EGF: variants seen among roughly 807,000 people sequenced by gnomAD.
EGF encodes the protein pro-epidermal growth factor.
A neutral mutation model predicts 143.8 loss-of-function variants in EGF; 95 were observed. That is an observed-to-expected ratio of 0.66 (90% CI 0.56 to 0.78). The LOEUF (loss-of-function observed/expected upper bound fraction) is 0.78. EGF is among the 30% of genes least tolerant of loss of function. EGF has a pLI of 0.00. For missense variants in EGF, 1,320 were observed against 1,470.9 expected (o/e 0.90, Z 1.68); for synonymous variants, 510 against 510.5 (o/e 1.00, Z 0.01).
intron 20 of EGF, among the ~76,000 whole-genome samples, chr4:109,997,866 A>T (rs961837499): frequency 2.0e-5 from 3 of 152,334 alleles, no homozygotes; most frequent in East Asian, 1.9e-4. Context: ...CTGTCCATAA[A>T]AAAATAAAAT....
chr4:110,005,282 G>A (rs1433483383), intron 22 of EGF, among the ~76,000 whole-genome samples: 1 of 151,744 alleles, frequency 6.6e-6, no homozygotes, highest in African/African-American at 2.4e-5. Flanking sequence ...TTGGGCTCAA[G>A]CAATCCACCT....
At chr4:109,936,874 T>C (rs1002264621) in intron 1 of EGF, among the ~76,000 whole-genome samples, 1 of 152,234 alleles carries the variant, frequency 6.6e-6, no homozygotes, top group South Asian at 2.1e-4. Context: ...TAATCCTGAG[T>C]TCCAATTTGA....
intron 2 of EGF, 50 bp downstream of exon 2, chr4:109,941,195 AAATAT>A (rs745588710): frequency 1.4e-4 from 209 of 1,512,178 alleles, no homozygotes; most frequent in Middle Eastern, 5.9e-4. Flanking sequence ...ACAGGCTGAC[AAATAT>A]AATATACTGA....
rs1745783934 is a variant in EGF, at chr4:109,962,004, T to G, written c.1312+19T>G. On this transcript the variant is annotated intron_variant, in intron 8 of 23. Coordinates refer to ENST00000265171, the MANE Select transcript of EGF (RefSeq NM_001963.6). Reference sequence around the variant, plus strand: ...TGTAGCGGTGAGTTTATTTGCTTTATTTACCTTTTGTTTGTTTGAAAACAT... The same window carrying G: ...TGTAGCGGTGAGTTTATTTGCTTTAGTTACCTTTTGTTTGTTTGAAAACAT... The G allele has an allele frequency of 1.9e-6, 3 of 1,613,262 alleles. No individual in the cohort carries two copies. The highest frequency in any genetic ancestry group is 1.7e-5 in the Admixed American group (1 of 59,992).
chr4:109,930,061 C>T (rs911041499), intron 1 of EGF, among the ~76,000 whole-genome samples: 1 of 152,156 alleles, frequency 6.6e-6, no homozygotes, highest in Non-Finnish European at 1.5e-5. Context: ...TGTCTCTTCT[C>T]GCTCCTGCCG....
chr4:109,994,360 T>C (rs1751473204), intron 19 of EGF, among the ~76,000 whole-genome samples: 1 of 152,178 alleles, frequency 6.6e-6, no homozygotes, highest in Admixed American at 6.5e-5. Context: ...AACCATAGAG[T>C]TACCAGTTGT....
chr4:110,011,371 G>C lies in EGF; in HGVS notation c.3540G>C (p.Glu1180Asp). Residue 1180 changes from glutamate to aspartate, a missense_variant, in exon 24 of 24, where the codon GAG (glutamate) becomes GAC (aspartate). By Grantham distance (45) the Glu-to-Asp change is conservative. This residue lies in a region of EGF where 1,186 missense variants were observed against 1,313.7 expected (regional missense o/e 0.90). Transcript: ENST00000265171. ...YGTQTLEGGV[E>D]KPHSLLSANP... ...CACAGACCCTTGAAGGGGGTGTCGA[G>C]AAGCCCCATTCTCTCCTATCAGCTA... 1 of 1,614,140 alleles carries C rather than the reference G, an allele frequency of 6.2e-7. No homozygotes were observed. Among genetic ancestry groups the C allele is most frequent in the Non-Finnish European group, 8.5e-7 (1 of 1,180,020 alleles).
intron 5 of EGF, among the ~76,000 whole-genome samples, chr4:109,953,669 T>C (rs1470229437): frequency 2.6e-5 from 4 of 152,202 alleles, no homozygotes; most frequent in Non-Finnish European, 5.9e-5. Context: ...TTGTACTATC[T>C]TTCTCTGGAA....
Position 109,974,792 on chromosome 4 carries a change from T to G in EGF, c.1814T>G (p.Val605Gly). The G allele has an allele frequency of 6.2e-7, 1 of 1,613,256 alleles. No homozygotes were observed. Among genetic ancestry groups the G allele is most frequent in the Non-Finnish European group, 8.5e-7 (1 of 1,179,336 alleles). Residue 605 changes from valine to glycine, a missense_variant, in exon 12 of 24, where the codon GTT (valine) becomes GGT (glycine). Around this residue, in one of 5 missense-constraint regions of EGF, gnomAD observed 1,186 missense variants for 1,313.7 expected, o/e 0.90. Transcript: ENST00000265171. ...ATCTCTCAACCACGAGGAATTGCTG[T>G]TCATCCAATGGCCAAGTAGGTATTT... Reference protein sequence around the residue: ...ENISQPRGIAVHPMAKRLFWT... With the variant: ...ENISQPRGIAGHPMAKRLFWT...
chr4:109,926,018 A>C (rs1738577702), intron 1 of EGF, among the ~76,000 whole-genome samples: 1 of 152,210 alleles, frequency 6.6e-6, no homozygotes, highest in Admixed American at 6.5e-5. Flanking sequence ...GATGGGGAGT[A>C]ATCATAAAAA....
intron 11 of EGF, among the ~76,000 whole-genome samples, chr4:109,971,417 G>C (rs865964370): frequency 1.3e-5 from 2 of 152,186 alleles, no homozygotes; most frequent in African/African-American, 4.8e-5. Context: ...GAGGGTAAAC[G>C]ATGATCAAAA....
chr4:109,948,459 G>C (rs1299944132), intron 5 of EGF, among the ~76,000 whole-genome samples: 3 of 152,088 alleles, frequency 2.0e-5, no homozygotes, highest in Admixed American at 6.5e-5. Flanking sequence ...ATTTTATTGG[G>C]TTTTCAATGT....
chr4:109,959,576 C>A, intron 6 of EGF, 139 bp downstream of exon 6: 1 of 1,282,054 alleles, frequency 7.8e-7, no homozygotes, highest in Non-Finnish European at 1.1e-6. Context: ...TTCTCCCCGT[C>A]CCCCACACAA....
At chr4:109,977,762 C>T (rs963281382) in intron 13 of EGF, among the ~76,000 whole-genome samples, 2 of 152,102 alleles carry the variant, frequency 1.3e-5, no homozygotes, top group Non-Finnish European at 2.9e-5. Flanking sequence ...ATCACTTGAG[C>T]CTGGGATGTT....
At chr4:109,954,298 C>T (rs1255301819) in intron 5 of EGF, among the ~76,000 whole-genome samples, 6 of 152,136 alleles carry the variant, frequency 3.9e-5, no homozygotes, top group African/African-American at 1.2e-4. Flanking sequence ...GTGATCTGCC[C>T]GCCTTGGCCT....
intron 12 of EGF, 71 bp downstream of exon 12, chr4:109,974,878 T>G: frequency 8.0e-7 from 1 of 1,252,158 alleles, no homozygotes; most frequent in Non-Finnish European, 1.2e-6. Flanking sequence ...TATGCTAGTG[T>G]CCAAAACCAG....
intron 1 of EGF, among the ~76,000 whole-genome samples, chr4:109,920,690 G>A (rs1196836639): frequency 2.0e-5 from 3 of 151,654 alleles, no homozygotes; most frequent in Non-Finnish European, 2.9e-5. Context: ...TTTCTCATGT[G>A]AGAATTAGAA....
intron 22 of EGF, among the ~76,000 whole-genome samples, chr4:110,004,883 T>C (rs1378338161): frequency 6.6e-6 from 1 of 152,120 alleles, no homozygotes; most frequent in Non-Finnish European, 1.5e-5. Flanking sequence ...TTTTCTTTCA[T>C]GTAGATTCTT....
In EGF at chr4:109,943,363, A is replaced by G. The variant is rs1428050447; in HGVS notation, c.437A>G (p.Lys146Arg). 1 of 1,613,564 alleles carries G rather than the reference A, an allele frequency of 6.2e-7. No homozygotes were observed. Residue 146 changes from lysine (K) to arginine (R), a missense_variant, in exon 3 of 24, where the codon AAA becomes AGA. By Grantham distance (26) the Lys-to-Arg change is conservative. Around this residue, in one of 5 missense-constraint regions of EGF, gnomAD observed 1,186 missense variants for 1,313.7 expected, o/e 0.90. Coordinates refer to ENST00000265171, the MANE Select transcript of EGF (RefSeq NM_001963.6). ...GGAATCATTACAGTAACAGATATGA[A>G]AGGAAATAATTCCCACATTCTTTTA... The part of the protein sequence containing the change: ...QEGIITVTDM[K>R]GNNSHILLSA...
Sources: gnomAD v4.1 joint callset for allele counts (sites outside exome capture counted in the v4.1 genomes callset) on GRCh38, gnomAD v4.1.1 for gene constraint, gnomAD v4.1.1 regional missense constraint, MANE v1.5 for transcripts, NCBI Gene and HGNC (gene_info 2026-07-23, HGNC 2026-07-21) for gene names.